CTU1: variants seen among roughly 807,000 people sequenced by gnomAD.
The protein encoded by CTU1 is cytosolic thiouridylase subunit 1.
In CTU1, 15 loss-of-function variants were observed where a neutral mutation model predicts 12.9. The observed-to-expected ratio is 1.16, with a 90% CI of 0.78 to 1.79. The LOEUF (loss-of-function observed/expected upper bound fraction) is 1.79, where lower values mean the gene tolerates loss of function less well. CTU1 is among the 40% of genes most tolerant of loss of function. The probability of loss-of-function intolerance (pLI) is 0.00; values close to 1 mark genes in which losing one functional copy is unlikely to be tolerated. For missense variants in CTU1, 553 were observed against 550.5 expected (o/e 1.00, Z -0.05); for synonymous variants, 295 against 275.6 (o/e 1.07, Z -0.70).
At chr19:51,107,033 G>A (rs1302376655) in intron 1 of CTU1, among the ~76,000 whole-genome samples, 7 of 152,140 alleles carry the variant, frequency 4.6e-5, no homozygotes, top group African/African-American at 1.4e-4. Context: ...AGGACAGGAC[G>A]TAACGTCACC....
rs182060292 is a variant in CTU1 at position 51,101,176 on chromosome 19, G to A, written c.509-2037C>T. 2.3e-4 allele frequency among the ~76,000 whole-genome samples: 35 copies of A among 152,240 alleles called. No individual in the cohort carries two copies. In the East Asian group the frequency reaches 5.8e-3, roughly 25 times the overall value. Reference sequence around the variant, plus strand: ...CCAGGCTGGTCTTGAACTCCTCTGAGCTCAAGTGATCCACCTGCCTCGGCC... The same window carrying A: ...CCAGGCTGGTCTTGAACTCCTCTGAACTCAAGTGATCCACCTGCCTCGGCC... On this transcript the variant is annotated intron_variant, in intron 2 of 2. Transcript: ENST00000421832.
At chr19:51,102,581 A>G (rs930203198) in intron 2 of CTU1, among the ~76,000 whole-genome samples, 1 of 152,138 alleles carries the variant, frequency 6.6e-6, no homozygotes, top group Non-Finnish European at 1.5e-5. Context: ...CTGGCTTCCC[A>G]CTGACTGGTC....
intron 2 of CTU1, among the ~76,000 whole-genome samples, chr19:51,102,427 G>C (rs1473813267): frequency 6.6e-6 from 1 of 152,234 alleles, no homozygotes; most frequent in East Asian, 1.9e-4. Context: ...CCACATCAGT[G>C]AATGAAGCTC....
chr19:51,105,771 G>T (rs1289946976), intron 1 of CTU1, among the ~76,000 whole-genome samples: 1 of 152,168 alleles, frequency 6.6e-6, no homozygotes, highest in Admixed American at 6.5e-5. Context: ...CTCAGGCCAG[G>T]AGCTTTGGGG....
At position 51,098,903 on chromosome 19, in the gene CTU1, G is replaced by C. The variant is rs1358931342; in HGVS notation, c.745C>G (p.Arg249Gly). The C allele has an allele frequency of 6.6e-7, 1 of 1,508,484 alleles. No homozygotes were observed. The highest frequency in any genetic ancestry group is 1.2e-5 in the South Asian group (1 of 84,010). 93.4% of individuals were successfully genotyped at this position (1,508,484 alleles called of 1,614,324 possible). A position where few individuals can be genotyped will look rare whatever the true frequency, so the allele number is the denominator to read the frequency against. Residue 249 changes from arginine to glycine, a missense_variant, in exon 3 of 3, where the codon CGG becomes GGG. Around this residue, in one of 2 missense-constraint regions of CTU1, gnomAD observed 500 missense variants for 458.5 expected, o/e 1.09. Transcript: ENST00000421832. This position sits in a 1 kb window ranked among gnomAD's most constrained non-coding sequence, Gnocchi z 4.3. Reference protein sequence around the residue: ...YAPEAFRGHARDLLKRLEAAR... With the variant: ...YAPEAFRGHAGDLLKRLEAAR... ...GCCTCCAGGCGCTTGAGCAGGTCCC[G>C]GGCGTGGCCGCGGAAGGCCTCGGGC...
chr19:51,102,303 G>A (rs995894730), intron 2 of CTU1, among the ~76,000 whole-genome samples: 5 of 152,134 alleles, frequency 3.3e-5, no homozygotes, highest in Admixed American at 2.0e-4. Context: ...GTGCCCGGCC[G>A]AAGCCTTTCA....
At chr19:51,102,079 C>T (rs2091908348) in intron 2 of CTU1, among the ~76,000 whole-genome samples, 1 of 152,236 alleles carries the variant, frequency 6.6e-6, no homozygotes, top group Non-Finnish European at 1.5e-5. Context: ...TCTCGACTCA[C>T]TGCAACCTCC....
intron 2 of CTU1, among the ~76,000 whole-genome samples, chr19:51,100,547 C>T (rs1375633978): frequency 1.3e-5 from 2 of 151,840 alleles, no homozygotes; most frequent in African/African-American, 4.8e-5. Context: ...TGCAGTGAGC[C>T]GAGATCACTC....
At chr19:51,103,291 G>A (rs765562284) in intron 2 of CTU1, among the ~76,000 whole-genome samples, 34 of 152,144 alleles carry the variant, frequency 2.2e-4, no homozygotes, top group Non-Finnish European at 4.1e-4. Flanking sequence ...GCATCTGTTT[G>A]TTGAAGGAAT....
rs747022383 is a variant in CTU1, at chr19:51,098,958, G to A, written c.690C>T (p.Leu230=). 1.9e-6 allele frequency: 3 copies of A among 1,543,838 alleles called. No individual in the cohort carries two copies. The highest frequency in any genetic ancestry group is 2.6e-6 in the Non-Finnish European group (3 of 1,150,886). ...EVVLYAHFRR[L]DYFSEECVYA... is the part of the protein sequence containing the mutation. ...AGACGCACTCCTCGGAGAAGTAGTC[G>A]AGGCGGCGGAAGTGCGCGTACAGCA... The change falls in exon 3 of 3, where the codon CTC becomes CTT. Residue 230 remains leucine, a synonymous_variant. Coordinates refer to ENST00000421832, the MANE Select transcript of CTU1 (RefSeq NM_145232.4). The surrounding 1 kb of genome is among the most constrained non-coding windows in gnomAD (Gnocchi z 4.3).
At position 51,104,504 on chromosome 19, in the gene CTU1, G is replaced by C. The variant is rs991112322; in HGVS notation, c.66C>G (p.Gly22=). The C allele has an allele frequency of 7.8e-7, 1 of 1,287,612 alleles. No individual in the cohort carries two copies. Among genetic ancestry groups the C allele is most frequent in the Non-Finnish European group, 9.8e-7 (1 of 1,019,414 alleles). 79.8% of individuals were successfully genotyped at this position (1,287,612 alleles called of 1,614,324 possible). The part of the protein sequence containing the change: ...ARAALRRPLS[G]QALCGACFCA... The stretch of plus-strand genomic sequence containing the variant: ...AGAAGCAGGCACCGCACAGCGCTTG[G>C]CCCGAGAGCGGACGGCGGAGGGCGG... The change falls in exon 2 of 3, where the codon GGC becomes GGG. Residue 22 remains glycine (G), a synonymous_variant. Coordinates refer to ENST00000421832, the MANE Select transcript of CTU1 (RefSeq NM_145232.4).
At chr19:51,099,771 C>A (rs2091902901) in intron 2 of CTU1, among the ~76,000 whole-genome samples, 1 of 152,134 alleles carries the variant, frequency 6.6e-6, no homozygotes, top group African/African-American at 2.4e-5. Context: ...TCTCCCCCAC[C>A]GCCTAGGGAA....
Position 51,099,116 on chromosome 19 carries a change from C to T in CTU1, c.532G>A (p.Glu178Lys). 6.4e-7 allele frequency: 1 copy of T among 1,567,868 alleles called. No homozygotes were observed. Among genetic ancestry groups the T allele is most frequent in the Non-Finnish European group, 8.6e-7 (1 of 1,166,502 alleles). Residue 178 changes from glutamate to lysine, a missense_variant, in exon 3 of 3, where the codon GAG (glutamate) becomes AAG (lysine). By Grantham distance (56) the Glu-to-Lys change is moderately conservative. Around this residue, in one of 2 missense-constraint regions of CTU1, gnomAD observed 500 missense variants for 458.5 expected, o/e 1.09. Coordinates refer to ENST00000421832, the MANE Select transcript of CTU1 (RefSeq NM_145232.4). ...VTGHNADDMA[E>K]TVLMNFLRGD... Reference sequence around the variant, plus strand: ...CGTAGGAAGTTCATGAGCACGGTCTCCGCCATGTCGTCGGCGTTGTGACCT... The same window carrying T: ...CGTAGGAAGTTCATGAGCACGGTCTTCGCCATGTCGTCGGCGTTGTGACCT...
intron 2 of CTU1, among the ~76,000 whole-genome samples, chr19:51,102,307 C>G (rs2091909248): frequency 6.6e-6 from 1 of 152,180 alleles, no homozygotes; most frequent in East Asian, 1.9e-4. Context: ...CCGGCCGAAG[C>G]CTTTCATTCT....
intron 1 of CTU1, among the ~76,000 whole-genome samples, chr19:51,105,773 G>A: frequency 1.3e-5 from 2 of 152,224 alleles, no homozygotes; most frequent in Admixed American, 6.5e-5. Context: ...CAGGCCAGGA[G>A]CTTTGGGGTC....
rs769201152 is a variant in CTU1, at chr19:51,104,165, G to A, written c.405C>T (p.Ala135=). The A allele has an allele frequency of 2.0e-6, 3 of 1,520,320 alleles. No individual in the cohort carries two copies. Among genetic ancestry groups the A allele is most frequent in the East Asian group, 5.2e-5 (2 of 38,826 alleles). 94.2% of individuals were successfully genotyped at this position (1,520,320 alleles called of 1,614,324 possible). The part of the protein sequence containing the change: ...WTMDAVARST[A]GSGRSRSCCT... ...AGCAGGAGCGGCTGCGGCCGGAGCCGGCTGTGCTGCGGGCCACGGCGTCCA... is the reference window on the plus strand; with the variant it reads ...AGCAGGAGCGGCTGCGGCCGGAGCCAGCTGTGCTGCGGGCCACGGCGTCCA... Residue 135 remains alanine, a synonymous_variant, in exon 2 of 3, where the codon GCC becomes GCT. Coordinates refer to ENST00000421832, the MANE Select transcript of CTU1 (RefSeq NM_145232.4).
chr19:51,105,991 G>A (rs1036500297), intron 1 of CTU1, among the ~76,000 whole-genome samples: 4 of 152,194 alleles, frequency 2.6e-5, no homozygotes, highest in Non-Finnish European at 4.4e-5. Context: ...TCTCCTGGAC[G>A]GCTGCATGGG....
At chr19:51,102,557 C>T (rs1300863110) in intron 2 of CTU1, among the ~76,000 whole-genome samples, 1 of 152,218 alleles carries the variant, frequency 6.6e-6, no homozygotes, top group Non-Finnish European at 1.5e-5. Context: ...CATCTCTCAC[C>T]TCCATCACCG....
chr19:51,102,502 C>T (rs1201023269), intron 2 of CTU1, among the ~76,000 whole-genome samples: 2 of 152,214 alleles, frequency 1.3e-5, no homozygotes, highest in Non-Finnish European at 1.5e-5. Context: ...CTCAGAACTA[C>T]TTTTGCCTTC....
Sources: allele counts gnomAD v4.1 joint callset (sites outside exome capture counted in the v4.1 genomes callset), GRCh38; gene constraint gnomAD v4.1.1; regional missense constraint gnomAD v4.1.1; non-coding constraint Gnocchi (gnomAD v3.1); transcripts MANE v1.5; gene names NCBI Gene and HGNC (gene_info 2026-07-23, HGNC 2026-07-21).